ARHGAP31: variants seen among roughly 807,000 people sequenced by gnomAD.
The protein encoded by ARHGAP31 is rho GTPase-activating protein 31.
A neutral mutation model predicts 113.9 loss-of-function variants in ARHGAP31; 34 were observed. The ratio of observed to expected loss-of-function variants is 0.30; its 90% CI spans 0.23 to 0.40. The LOEUF is 0.40. Ranked by LOEUF, ARHGAP31 falls within the 10% of genes least tolerant of loss-of-function variation. ARHGAP31 has a pLI of 1.00. For missense variants in ARHGAP31, 1,548 were observed against 1,767.1 expected (o/e 0.88, Z 2.22); for synonymous variants, 650 against 684.8 (o/e 0.95, Z 0.79).
intron 1 of ARHGAP31, among the ~76,000 whole-genome samples, chr3:119,317,088 A>G (rs2079738808): frequency 6.6e-6 from 1 of 152,202 alleles, no homozygotes; most frequent in Non-Finnish European, 1.5e-5. Context: ...ACGCAAAGCC[A>G]TGTGTATTTT....
rs71156742 is a variant in ARHGAP31 at position 119,307,940 on chromosome 3, CAA to C, written c.100+12955_100+12956del. Among the ~76,000 whole-genome samples the C allele has an allele frequency of 1.0e-3, 47 of 45,462 alleles. 2 individuals are homozygous for C. The highest frequency in any genetic ancestry group is 5.5e-3 in the East Asian group (5 of 908). 29.8% of individuals were successfully genotyped at this position (45,462 alleles called of 152,430 possible). A position where few individuals can be genotyped will look rare whatever the true frequency, so the allele number is the denominator to read the frequency against. The stretch of plus-strand genomic sequence containing the variant: ...AGTGAATCCAAGTATGAATTAACAG[CAA>C]AAAAAAAAAAAAAAAAAAGCTCAAT... On this transcript the variant is annotated intron_variant, in intron 1 of 11. Coordinates refer to ENST00000264245, the MANE Select transcript of ARHGAP31 (RefSeq NM_020754.4).
At position 119,414,132 on chromosome 3, in the gene ARHGAP31, A is replaced by G. The variant is rs747236755; in HGVS notation, c.2203A>G (p.Ser735Gly). The change falls in exon 12 of 12, where the codon AGC becomes GGC. Residue 735 changes from serine (S) to glycine (G), a missense_variant. Coordinates refer to ENST00000264245, the MANE Select transcript of ARHGAP31 (RefSeq NM_020754.4). ...QSTQGASTAA[S>G]REKPEPEQGL... ...CACACAGGGGGCTTCCACAGCAGCC[A>G]GCAGAGAGAAGCCGGAACCTGAGCA... 4 of 1,614,110 alleles carry G rather than the reference A, an allele frequency of 2.5e-6. No individual in the cohort carries two copies. In the South Asian group the frequency reaches 3.3e-5, roughly 13 times the overall value.
chr3:119,354,243 G>A (rs1204096489), intron 1 of ARHGAP31, among the ~76,000 whole-genome samples: 1 of 152,144 alleles, frequency 6.6e-6, no homozygotes, highest in Non-Finnish European at 1.5e-5. Flanking sequence ...TCACTGGAAA[G>A]GACTTCAGCA....
intron 1 of ARHGAP31, among the ~76,000 whole-genome samples, chr3:119,355,754 C>A (rs535780442): frequency 1.3e-5 from 2 of 152,040 alleles, no homozygotes; most frequent in Non-Finnish European, 2.9e-5. Flanking sequence ...TCTGTCTTTG[C>A]GATAGTTTGC....
intron 1 of ARHGAP31, among the ~76,000 whole-genome samples, chr3:119,333,102 G>C (rs1471130126): frequency 6.6e-6 from 1 of 152,142 alleles, no homozygotes; most frequent in Non-Finnish European, 1.5e-5. Context: ...ATCGCATTTT[G>C]CTGCCCTCAT....
chr3:119,311,432 G>A (rs974881745), intron 1 of ARHGAP31, among the ~76,000 whole-genome samples: 1 of 152,026 alleles, frequency 6.6e-6, no homozygotes, highest in Admixed American at 6.5e-5. Flanking sequence ...ATTACATTAG[G>A]ACCACTCAGA....
Position 119,410,296 on chromosome 3 carries a change from T to C in ARHGAP31, c.1926+520T>C, listed in dbSNP as rs1431044419. Among the ~76,000 whole-genome samples the C allele has an allele frequency of 3.3e-5, 5 of 152,160 alleles. No individual in the cohort carries two copies. The East Asian group carries it at 5.8e-4, about 18-fold the overall frequency. On this transcript the variant is annotated intron_variant, in intron 11 of 11. Coordinates refer to ENST00000264245, the MANE Select transcript of ARHGAP31 (RefSeq NM_020754.4). ...GAGCTGACTAAACCTTGTCTACTTT[T>C]TAGAGGTGGAATTTTCCAAGAAGGT...
chr3:119,364,812 G>T (rs2080239668), intron 1 of ARHGAP31, among the ~76,000 whole-genome samples: 1 of 152,134 alleles, frequency 6.6e-6, no homozygotes, highest in Admixed American at 6.5e-5. Context: ...ACAATTCTTG[G>T]CCAGGTGTAG....
intron 1 of ARHGAP31, among the ~76,000 whole-genome samples, chr3:119,350,464 A>C (rs1224656882): frequency 6.6e-6 from 1 of 152,170 alleles, no homozygotes; most frequent in Non-Finnish European, 1.5e-5. Context: ...GATTTTAGAA[A>C]AATACAAAAA....
chr3:119,300,848 AAGAAAG>A (rs2079577464), intron 1 of ARHGAP31, among the ~76,000 whole-genome samples: 1 of 108,760 alleles, frequency 9.2e-6, no homozygotes, highest in South Asian at 3.2e-4. Context: ...AAAAAAAAGA[AAGAAAG>A]AAAGAAAGAA....
rs751793 is a variant in ARHGAP31, at chr3:119,383,206, C to T, written c.662C>T (p.Pro221Leu). The change falls in exon 6 of 12, where the codon CCT becomes CTT. Residue 221 changes from proline (P) to leucine (L), a missense_variant. Physicochemically the swap from Pro to Leu is moderately conservative, Grantham distance 98 (BLOSUM62 -3). Transcript: ENST00000264245. ...HVDQIFNNGA[P>L]GSLENDENRP... is the part of the protein sequence containing the mutation. Reference sequence around the variant, plus strand: ...GATCAAATCTTTAACAACGGTGCACCTGGGTCTCTGGAGAATGATGGTAAG... The same window carrying T: ...GATCAAATCTTTAACAACGGTGCACTTGGGTCTCTGGAGAATGATGGTAAG... 1.8e-3 allele frequency: 2,960 copies of T among 1,614,086 alleles called. 9 individuals are homozygous for T. Among genetic ancestry groups the T allele is most frequent in the Non-Finnish European group, 2.3e-3 (2,705 of 1,179,996 alleles).
Position 119,402,264 on chromosome 3 carries a change from C to A in ARHGAP31, c.1512C>A (p.Thr504=), listed in dbSNP as rs746088724. The part of the protein sequence containing the change: ...VPLRVSAVIS[T]NSTPCRTPPK... ...TCCGCGTGTCCGCAGTCATCAGCAC[C>A]AACAGCACGCCGTGCAGAACACCCC... The change falls in exon 10 of 12, where the codon ACC becomes ACA. Residue 504 remains threonine (T), a synonymous_variant. Transcript: ENST00000264245. The A allele has an allele frequency of 6.2e-7, 1 of 1,614,270 alleles. No homozygotes were observed. The highest frequency in any genetic ancestry group is 8.5e-7 in the Non-Finnish European group (1 of 1,180,052).
chr3:119,316,418 A>T (rs1576990248), intron 1 of ARHGAP31, among the ~76,000 whole-genome samples: 1 of 152,012 alleles, frequency 6.6e-6, no homozygotes, highest in Non-Finnish European at 1.5e-5. Context: ...CAATCCTACA[A>T]CCCCCACCAT....
In ARHGAP31 at chr3:119,409,737, C is replaced by T; in HGVS notation, c.1887C>T (p.Ser629=). ...TGGAGTCCAGCACCCTGCAGGAGAG[C>T]CCCAGGGCCAGAGCCGAAGCTGTGC... The part of the protein sequence containing the change: ...GEMESSTLQE[S]PRARAEAVLL... Residue 629 remains serine, a synonymous_variant, in exon 11 of 12, where the codon AGC becomes AGT. Transcript: ENST00000264245. 6.2e-7 allele frequency: 1 copy of T among 1,608,498 alleles called. No homozygotes were observed. Among genetic ancestry groups the T allele is most frequent in the Non-Finnish European group, 8.5e-7 (1 of 1,177,942 alleles).
intron 1 of ARHGAP31, among the ~76,000 whole-genome samples, chr3:119,327,752 TTTTG>T (rs1335884148): frequency 6.6e-6 from 1 of 152,184 alleles, no homozygotes; most frequent in African/African-American, 2.4e-5. Flanking sequence ...GAGCAGAGAA[TTTTG>T]TTTGTGTTTG....
intron 3 of ARHGAP31, among the ~76,000 whole-genome samples, chr3:119,368,774 G>T (rs373908937): frequency 6.6e-6 from 1 of 152,176 alleles, no homozygotes; most frequent in Non-Finnish European, 1.5e-5. Context: ...TCAACTGAAT[G>T]TGCCTTATTG....
chr3:119,355,074 A>G (rs1039880988), intron 1 of ARHGAP31, among the ~76,000 whole-genome samples: 71 of 152,240 alleles, frequency 4.7e-4, no homozygotes, highest in African/African-American at 1.7e-3. Flanking sequence ...GGAGTGTTTG[A>G]ACCATGGTAG....
At chr3:119,330,269 C>T (rs1191220013) in intron 1 of ARHGAP31, among the ~76,000 whole-genome samples, 1 of 152,186 alleles carries the variant, frequency 6.6e-6, no homozygotes, top group East Asian at 1.9e-4. Context: ...GCCCAAGCTG[C>T]AGAGGATGGC....
intron 3 of ARHGAP31, among the ~76,000 whole-genome samples, chr3:119,376,199 T>C (rs1469087921): frequency 2.6e-5 from 4 of 152,222 alleles, no homozygotes; most frequent in Non-Finnish European, 5.9e-5. Context: ...ATTTGAAATG[T>C]CCCTTAGGGC....
Sources: allele counts gnomAD v4.1 joint callset (sites outside exome capture counted in the v4.1 genomes callset), GRCh38; gene constraint gnomAD v4.1.1; transcripts MANE v1.5; gene names NCBI Gene and HGNC (gene_info 2026-07-23, HGNC 2026-07-21).